REV1: variants seen among roughly 807,000 people sequenced by gnomAD.
The protein encoded by REV1 is translesion synthesis protein REV1.
Under a neutral mutation model 137.4 loss-of-function variants are expected in REV1, and 42 were observed. That is an observed-to-expected ratio of 0.31 (90% CI 0.24 to 0.40). REV1 has a LOEUF of 0.40. REV1 is among the 10% of genes least tolerant of loss of function. REV1 has a pLI of 1.00. For missense variants in REV1, 1,282 were observed against 1,490.1 expected, an observed-to-expected ratio of 0.86 and a Z score of 2.30; for synonymous variants, 524 against 519.2, an observed-to-expected ratio of 1.01 and a Z score of -0.12.
At chr2:99,473,389 A>C (rs543753078) in intron 1 of REV1, among the ~76,000 whole-genome samples, 30 of 151,852 alleles carry the variant, frequency 2.0e-4, no homozygotes, top group South Asian at 8.3e-4. Context: ...AGAAAAGAAA[A>C]GAAAAGAAAA....
At position 99,481,934 on chromosome 2, in the gene REV1, TAGG is replaced by T. The variant is rs1686652234; in HGVS notation, c.-11+7880_-11+7882del. ...TCTACTCTTGGAGTCTCCCAACTGATAGGAGTGTCTTTGTTATCCATGAATCCA... is the reference window on the plus strand; with the variant it reads ...TCTACTCTTGGAGTCTCCCAACTGATAGTGTCTTTGTTATCCATGAATCCA... On this transcript the variant is annotated intron_variant, in intron 1 of 22. Transcript: ENST00000258428. 2.6e-5 allele frequency among the ~76,000 whole-genome samples: 4 copies of T among 152,322 alleles called. No individual in the cohort carries two copies. The South Asian group carries it at 8.3e-4, about 32-fold the overall frequency.
intron 1 of REV1, among the ~76,000 whole-genome samples, chr2:99,489,096 G>A (rs1196068224): frequency 6.6e-6 from 1 of 152,194 alleles, no homozygotes; most frequent in Admixed American, 6.5e-5. Flanking sequence ...ACACAGCGCG[G>A]CTCGGTGCGC....
chr2:99,452,372 G>A (rs1020321636), intron 3 of REV1, among the ~76,000 whole-genome samples: 60 of 148,252 alleles, frequency 4.0e-4, no homozygotes, highest in African/African-American at 1.3e-3. Context: ...GTAGTAAGCT[G>A]AGGTTGCACC....
chr2:99,432,328 C>T (rs1432302437), intron 8 of REV1, among the ~76,000 whole-genome samples: 2 of 149,496 alleles, frequency 1.3e-5, no homozygotes, highest in Admixed American at 1.3e-4. Flanking sequence ...TAGAACTGAT[C>T]TTTTTTTTTT....
At chr2:99,433,845 C>G (rs1680411620) in intron 8 of REV1, among the ~76,000 whole-genome samples, 1 of 151,956 alleles carries the variant, frequency 6.6e-6, no homozygotes, top group South Asian at 2.1e-4. Context: ...TATTAATATC[C>G]AAAATTAAAA....
intron 7 of REV1, 112 bp downstream of exon 7, chr2:99,435,722 C>A (rs1489344712): frequency 1.0e-5 from 6 of 581,570 alleles, no homozygotes; most frequent in South Asian, 8.7e-5. Flanking sequence ...TTTGGAAGAA[C>A]CGATTTTCCC....
In REV1 at chr2:99,405,602, T is replaced by C. The variant is rs145281471; in HGVS notation, c.2811+308A>G. On this transcript the variant is annotated intron_variant, in intron 17 of 22. Transcript: ENST00000258428. ...TTCACCACTAATCACCAAAGCTGCCTTGCTGAATACAGTAAGTCTGCATGA... is the reference window on the plus strand; with the variant it reads ...TTCACCACTAATCACCAAAGCTGCCCTGCTGAATACAGTAAGTCTGCATGA... 5.0e-4 allele frequency: 108 copies of C among 217,786 alleles called. 1 individual carries two copies. Among genetic ancestry groups the C allele is most frequent in the African/African-American group, 2.2e-3 (96 of 44,050 alleles). 13.5% of individuals were successfully genotyped at this position (217,786 alleles called of 1,614,324 possible). A position where few individuals can be genotyped will look rare whatever the true frequency, so the allele number is the denominator to read the frequency against.
At chr2:99,433,543 A>G (rs1159433089) in intron 8 of REV1, among the ~76,000 whole-genome samples, 1 of 152,210 alleles carries the variant, frequency 6.6e-6, no homozygotes, top group African/African-American at 2.4e-5. Flanking sequence ...GACAAGCCCA[A>G]CGTTTTATAA....
At chr2:99,479,461 T>C (rs1686367325) in intron 1 of REV1, among the ~76,000 whole-genome samples, 1 of 151,836 alleles carries the variant, frequency 6.6e-6, no homozygotes, top group African/African-American at 2.4e-5. Context: ...CTATAATCTA[T>C]AGTTTTCAAG....
intron 1 of REV1, among the ~76,000 whole-genome samples, chr2:99,482,878 G>A (rs953567928): frequency 3.9e-5 from 6 of 152,002 alleles, no homozygotes; most frequent in Non-Finnish European, 5.9e-5. Context: ...CCAGCTGGGC[G>A]TGGTGGCAGG....
chr2:99,448,971 A>G (rs374280450), intron 4 of REV1, among the ~76,000 whole-genome samples: 56 of 152,198 alleles, frequency 3.7e-4, no homozygotes, highest in African/African-American at 1.3e-3. Flanking sequence ...ATCAGGAGGC[A>G]ATATATTAGT....
intron 3 of REV1, among the ~76,000 whole-genome samples, chr2:99,456,514 G>C (rs1345490392): frequency 6.6e-6 from 1 of 152,184 alleles, no homozygotes; most frequent in Admixed American, 6.5e-5. Context: ...AGATCTGAAT[G>C]ATGAAGACCT....
At chr2:99,454,968 A>G (rs1683380204) in intron 3 of REV1, among the ~76,000 whole-genome samples, 1 of 152,210 alleles carries the variant, frequency 6.6e-6, no homozygotes, top group South Asian at 2.1e-4. Context: ...TATAACATCA[A>G]AACAGCCATA....
chr2:99,404,575 C>G lies in REV1; in HGVS notation c.2914G>C (p.Glu972Gln). Residue 972 changes from glutamate to glutamine, a missense_variant, in exon 18 of 23, where the codon GAA becomes CAA. Physicochemically the swap from Glu to Gln is conservative, Grantham distance 29. This residue lies in a region of REV1 where 135 missense variants were observed against 123.3 expected (regional missense o/e 1.10). Transcript: ENST00000258428. ...CCTGTATTACAGCCATTTACTGGTT[C>G]TTTCTTTTTGTCGCCATGTGACTCT... ...QAESHGDKKK[E>Q]PVNGCNTGIL... 1 of 1,614,104 alleles carries G rather than the reference C, an allele frequency of 6.2e-7. No individual in the cohort carries two copies. Among genetic ancestry groups the G allele is most frequent in the Non-Finnish European group, 8.5e-7 (1 of 1,179,984 alleles).
At chr2:99,458,567 C>A (rs1655111614) in intron 3 of REV1, among the ~76,000 whole-genome samples, 1 of 152,180 alleles carries the variant, frequency 6.6e-6, no homozygotes, top group South Asian at 2.1e-4. Context: ...CGGGAACCAA[C>A]AACTGTACTC....
intron 6 of REV1, 150 bp from the exon 7 acceptor site, chr2:99,436,091 T>C: frequency 1.6e-6 from 1 of 607,938 alleles, no homozygotes; most frequent in African/African-American, 2.0e-5. Context: ...AGATTATTTC[T>C]ATCACCTCAA....
intron 1 of REV1, among the ~76,000 whole-genome samples, chr2:99,473,104 G>A (rs1191462423): frequency 6.6e-6 from 1 of 152,124 alleles, no homozygotes; most frequent in Non-Finnish European, 1.5e-5. Flanking sequence ...GGTGGCTCAT[G>A]CCTGTAATCC....
intron 13 of REV1, among the ~76,000 whole-genome samples, chr2:99,411,994 G>A (rs1488651714): frequency 6.6e-6 from 1 of 151,298 alleles, no homozygotes; most frequent in Admixed American, 6.6e-5. Context: ...AGCACTTTAG[G>A]AGGCTGAGGC....
intron 13 of REV1, among the ~76,000 whole-genome samples, chr2:99,412,255 C>T (rs1291902876): frequency 1.6e-5 from 1 of 60,902 alleles, no homozygotes; most frequent in Non-Finnish European, 2.9e-5. Flanking sequence ...GAGACTCCAT[C>T]TCAAAAAAAA....
Sources: gnomAD v4.1 joint callset for allele counts (sites outside exome capture counted in the v4.1 genomes callset) on GRCh38, gnomAD v4.1.1 for gene constraint, gnomAD v4.1.1 regional missense constraint, MANE v1.5 for transcripts, NCBI Gene and HGNC (gene_info 2026-07-23, HGNC 2026-07-21) for gene names.